The following MPZL1 variants were observed in gnomAD, a reference collection of about 807,000 sequenced individuals.
MPZL1 encodes the protein myelin protein zero-like protein 1.
In MPZL1, 16 loss-of-function variants were observed where a neutral mutation model predicts 29.3. The observed-to-expected ratio is 0.55, with a 90% confidence interval of 0.37 to 0.83. MPZL1 has a LOEUF of 0.83. Ranked by LOEUF, MPZL1 falls within the 40% of genes least tolerant of loss-of-function variation. MPZL1 has a pLI of 0.00. For missense variants in MPZL1, 279 were observed against 332.9 expected (o/e 0.84, Z 1.26); for synonymous variants, 143 against 132.0 (o/e 1.08, Z -0.57).
intron 2 of MPZL1, among the ~76,000 whole-genome samples, chr1:167,768,710 A>G (rs1661173167): frequency 6.6e-6 from 1 of 152,220 alleles, no homozygotes; most frequent in Non-Finnish European, 1.5e-5. Context: ...CCAAAGTGCT[A>G]AGGAGTACAG....
intron 1 of MPZL1, among the ~76,000 whole-genome samples, chr1:167,729,080 ACATGATAAAACCCC>A (rs1255751311): frequency 6.6e-6 from 1 of 152,064 alleles, no homozygotes; most frequent in Non-Finnish European, 1.5e-5. Context: ...AGCCTGGACA[ACATGATAAAACCCC>A]CATCTTTACT....
intron 5 of MPZL1, among the ~76,000 whole-genome samples, chr1:167,781,236 A>G (rs1661491531): frequency 6.6e-6 from 1 of 152,208 alleles, no homozygotes; most frequent in East Asian, 1.9e-4. Flanking sequence ...AAGACTTAAC[A>G]GTGAAACCAG....
At chr1:167,759,870 G>A (rs927589172) in intron 1 of MPZL1, among the ~76,000 whole-genome samples, 2 of 152,172 alleles carry the variant, frequency 1.3e-5, no homozygotes, top group African/African-American at 4.8e-5. Context: ...ATATTTGAGG[G>A]GGTCAGGGTA....
At chr1:167,735,965 T>C (rs1314383773) in intron 1 of MPZL1, among the ~76,000 whole-genome samples, 2 of 152,222 alleles carry the variant, frequency 1.3e-5, no homozygotes, top group Non-Finnish European at 2.9e-5. Context: ...TCTTTACATC[T>C]CAACTTGGTG....
intron 4 of MPZL1, among the ~76,000 whole-genome samples, chr1:167,774,395 G>A (rs185553992): frequency 2.0e-5 from 3 of 152,346 alleles, no homozygotes; most frequent in African/African-American, 7.2e-5. Context: ...TGGATGGTGG[G>A]AACCTCTATC....
chr1:167,767,113 C>G (rs1661130389), intron 2 of MPZL1, among the ~76,000 whole-genome samples: 1 of 152,188 alleles, frequency 6.6e-6, no homozygotes, highest in Non-Finnish European at 1.5e-5. Flanking sequence ...AGAATCTCCC[C>G]TATGGAGAAT....
At position 167,732,185 on chromosome 1, in the gene MPZL1, T is replaced by C. The variant is rs116274991; in HGVS notation, c.91+9943T>C. On this transcript the variant is annotated intron_variant, in intron 1 of 5. Transcript: ENST00000359523. ...TCTATATTCTGAAATACACCTGGCCTTAAGACTTTTCGATTAGCTTGTTGG... is the reference window on the plus strand; with the variant it reads ...TCTATATTCTGAAATACACCTGGCCCTAAGACTTTTCGATTAGCTTGTTGG... 8.2e-3 allele frequency among the ~76,000 whole-genome samples: 1,252 copies of C among 152,342 alleles called. 16 individuals are homozygous for C. The highest frequency in any genetic ancestry group is 0.029 in the African/African-American group (1,193 of 41,576).
At position 167,785,794 on chromosome 1, in the gene MPZL1, C is replaced by CT. The variant is rs535665872; in HGVS notation, c.709-2018dup. 1.4e-3 allele frequency among the ~76,000 whole-genome samples: 219 copies of CT among 152,020 alleles called. 5 individuals are homozygous for CT. The South Asian group carries it at 0.037, about 25-fold the overall frequency. On this transcript the variant is annotated intron_variant, in intron 5 of 5. Transcript: ENST00000359523. Reference sequence around the variant, plus strand: ...AATTCTGTTCCTAGTAGAAAACAGTCTTTTTTTTGTTTTTTTGAGACGGAG... The same window carrying CT: ...AATTCTGTTCCTAGTAGAAAACAGTCTTTTTTTTTGTTTTTTTGAGACGGAG...
Position 167,772,489 on chromosome 1 carries a change from G to A in MPZL1, c.472+1G>A. 1 of 1,610,212 alleles carries A rather than the reference G, an allele frequency of 6.2e-7. No individual in the cohort carries two copies. Among genetic ancestry groups the A allele is most frequent in the Non-Finnish European group, 8.5e-7 (1 of 1,177,478 alleles). On this transcript the variant is annotated splice_donor_variant, in intron 3 of 5. Transcript: ENST00000359523. LOFTEE classifies it high-confidence loss of function. ...ATTAGGCTCTATGTCGTAGAAAAAG[G>A]TACTTCCTTGAGTATTTTGGCAGTA...
chr1:167,738,361 A>G lies in MPZL1; in HGVS notation c.91+16119A>G, dbSNP rs377515291. 2.6e-4 allele frequency among the ~76,000 whole-genome samples: 39 copies of G among 152,368 alleles called. No homozygotes were observed. In the South Asian group the frequency reaches 6.6e-3, roughly 26 times the overall value. On this transcript the variant is annotated intron_variant, in intron 1 of 5. Coordinates refer to ENST00000359523, the MANE Select transcript of MPZL1 (RefSeq NM_003953.6). Reference sequence around the variant, plus strand: ...CTTGAGTCAGTGCACAAAAATGAACATGAAGACCACAAATACTCATGTCTG... The same window carrying G: ...CTTGAGTCAGTGCACAAAAATGAACGTGAAGACCACAAATACTCATGTCTG...
At chr1:167,775,269 A>G (rs1661341409) in intron 4 of MPZL1, among the ~76,000 whole-genome samples, 1 of 152,234 alleles carries the variant, frequency 6.6e-6, no homozygotes, top group African/African-American at 2.4e-5. Flanking sequence ...GGTCTTAGTA[A>G]TGACACTTTA....
chr1:167,789,535 G>GAATAAAAC lies in MPZL1; in HGVS notation c.*1615_*1616insATAAAACA, dbSNP rs1183984760. The GAATAAAAC allele has an allele frequency of 6.6e-6, 1 of 152,244 alleles. No individual in the cohort carries two copies. The highest frequency in any genetic ancestry group is 1.5e-5 in the Non-Finnish European group (1 of 68,050). 9.4% of individuals were successfully genotyped at this position (152,244 alleles called of 1,614,324 possible). ...GGGAATAAAACAGGATTGAGATTTT[G>GAATAAAAC]AGGTGTGCACAAGGTGGTAAGATAA... On this transcript the variant is annotated 3_prime_UTR_variant, in exon 6 of 6. Coordinates refer to ENST00000359523, the MANE Select transcript of MPZL1 (RefSeq NM_003953.6).
At chr1:167,736,213 T>C (rs1660374629) in intron 1 of MPZL1, among the ~76,000 whole-genome samples, 1 of 152,210 alleles carries the variant, frequency 6.6e-6, no homozygotes, top group Non-Finnish European at 1.5e-5. Flanking sequence ...TGATTTTCCT[T>C]AGGCAGGTTC....
At chr1:167,762,862 G>A (rs1365322671) in intron 1 of MPZL1, among the ~76,000 whole-genome samples, 2 of 152,196 alleles carry the variant, frequency 1.3e-5, no homozygotes, top group African/African-American at 2.4e-5. Flanking sequence ...AGAGAAAAGT[G>A]TAGATAGCCA....
At chr1:167,761,961 A>T (rs766453464) in intron 1 of MPZL1, among the ~76,000 whole-genome samples, 2 of 152,254 alleles carry the variant, frequency 1.3e-5, no homozygotes, top group Non-Finnish European at 2.9e-5. Context: ...TTAGTTTCTG[A>T]TGCAGCTTAG....
At chr1:167,741,663 T>C (rs1279436612) in intron 1 of MPZL1, among the ~76,000 whole-genome samples, 1 of 152,070 alleles carries the variant, frequency 6.6e-6, no homozygotes, top group Middle Eastern at 3.2e-3. Flanking sequence ...TTTCAGTCCG[T>C]ATTCCCCTCC....
intron 1 of MPZL1, among the ~76,000 whole-genome samples, chr1:167,729,345 C>T (rs535315045): frequency 4.0e-5 from 6 of 151,594 alleles, no homozygotes; most frequent in Non-Finnish European, 8.8e-5. Flanking sequence ...ATTAAGTTTA[C>T]AATGTGGAGT....
In MPZL1 at chr1:167,739,282, C is replaced by CATATATACATATATATAT. The variant is rs1387652331; in HGVS notation, c.91+17047_91+17048insCATATATATATATATATA. On this transcript the variant is annotated intron_variant, in intron 1 of 5. Coordinates refer to ENST00000359523, the MANE Select transcript of MPZL1 (RefSeq NM_003953.6). ...ATACACATACATATATACATATATA[C>CATATATACATATATATAT]ATATATATATATATATATATATATA... Among the ~76,000 whole-genome samples, 387 of 90,288 alleles carry CATATATACATATATATAT rather than the reference C, an allele frequency of 4.3e-3. 2 individuals are homozygous for CATATATACATATATATAT. The highest frequency in any genetic ancestry group is 0.011 in the East Asian group (39 of 3,610). 59.2% of individuals were successfully genotyped at this position (90,288 alleles called of 152,430 possible).
chr1:167,770,875 G>C (rs1661227707), intron 2 of MPZL1, among the ~76,000 whole-genome samples: 1 of 152,182 alleles, frequency 6.6e-6, no homozygotes. Flanking sequence ...GAAATATTGA[G>C]AGGATTAGAG....
Sources: gnomAD v4.1 joint callset for allele counts (sites outside exome capture counted in the v4.1 genomes callset) on GRCh38, gnomAD v4.1.1 for gene constraint, MANE v1.5 for transcripts, NCBI Gene and HGNC (gene_info 2026-07-23, HGNC 2026-07-21) for gene names.